MTUS2: variants seen among roughly 807,000 people sequenced by gnomAD.
MTUS2 encodes microtubule associated scaffold protein 2.
Under a neutral mutation model 114.1 loss-of-function variants are expected in MTUS2, and 40 were observed. The observed-to-expected ratio is 0.35, with a 90% CI of 0.27 to 0.46. The LOEUF is 0.46. Ranked by LOEUF, MTUS2 falls within the 20% of genes least tolerant of loss-of-function variation. MTUS2 has a pLI of 1.00. For synonymous variants in MTUS2, 688 were observed against 672.0 expected (o/e 1.02, Z -0.37); for missense variants, 1,679 against 1,705.4 (o/e 0.98, Z 0.27).
chr13:29,373,397 G>T (rs1475806153), intron 8 of MTUS2, among the ~76,000 whole-genome samples: 3 of 152,194 alleles, frequency 2.0e-5, no homozygotes, highest in Non-Finnish European at 2.9e-5. Context: ...TAAAGGCCCA[G>T]CTTTTTGGCT....
chr13:29,039,102 G>C (rs1381155848), intron 4 of MTUS2, among the ~76,000 whole-genome samples: 1 of 152,238 alleles, frequency 6.6e-6, no homozygotes, highest in Admixed American at 6.5e-5. Context: ...GGCCAGGTGC[G>C]GACCCAGTGC....
In MTUS2 at chr13:29,375,602, TATATAC is replaced by T. The variant is rs1566163643; in HGVS notation, c.3117+16130_3117+16135del. Among the ~76,000 whole-genome samples, 2 of 4,390 alleles carry T rather than the reference TATATAC, an allele frequency of 4.6e-4. 1 individual carries two copies. Among genetic ancestry groups the T allele is most frequent in the African/African-American group, 9.7e-4 (2 of 2,054 alleles). 2.9% of individuals were successfully genotyped at this position (4,390 alleles called of 152,430 possible). ...ATATATATATACGTATATATATATATATATACGTATATATATATATATATATATATA... is the reference window on the plus strand; with the variant it reads ...ATATATATATACGTATATATATATATGTATATATATATATATATATATATA... On this transcript the variant is annotated intron_variant, in intron 8 of 15. Transcript: ENST00000612955.
intron 2 of MTUS2, among the ~76,000 whole-genome samples, chr13:28,922,136 C>T (rs680740): frequency 0.87 from 132,802 of 152,172 alleles, 58,189 homozygotes; most frequent in East Asian, 0.91. Context: ...TGTGTAGCAC[C>T]TCCCCTTTGC....
intron 2 of MTUS2, among the ~76,000 whole-genome samples, chr13:28,928,905 G>A (rs7996655): frequency 0.013 from 1,911 of 152,274 alleles, 37 homozygotes; most frequent in African/African-American, 0.042. Flanking sequence ...ACAGATATGT[G>A]TGCGTATGTG....
intron 2 of MTUS2, among the ~76,000 whole-genome samples, chr13:28,864,059 A>T (rs1877150310): frequency 6.6e-6 from 1 of 152,132 alleles, no homozygotes. Flanking sequence ...CTTTTCTGGG[A>T]TTCAGAAGCT....
At chr13:29,180,248 A>G (rs573459567) in intron 5 of MTUS2, among the ~76,000 whole-genome samples, 11 of 152,304 alleles carry the variant, frequency 7.2e-5, no homozygotes, top group Admixed American at 3.3e-4. Flanking sequence ...CAGAACTACA[A>G]TCTTCCATGA....
intron 1 of MTUS2, among the ~76,000 whole-genome samples, chr13:28,826,670 A>G (rs553036104): frequency 2.6e-5 from 4 of 152,372 alleles, no homozygotes; most frequent in Non-Finnish European, 5.9e-5. Context: ...AACATAATGC[A>G]TTAGCGTCTA....
rs57654117 is a variant in MTUS2, at chr13:29,088,058, CAAAAA to C, written c.2447-12695_2447-12691del. The stretch of plus-strand genomic sequence containing the variant: ...TGGGTGACAGAGCAAGACTCCGTCT[CAAAAA>C]AAAAAAAAAAAAAAAAAAAGAATTT... On this transcript the variant is annotated intron_variant, in intron 4 of 15. Coordinates refer to ENST00000612955, the MANE Select transcript of MTUS2 (RefSeq NM_001033602.4). Among the ~76,000 whole-genome samples the C allele has an allele frequency of 4.0e-3, 537 of 135,512 alleles. 1 individual carries two copies. Among genetic ancestry groups the C allele is most frequent in the African/African-American group, 8.3e-3 (283 of 33,896 alleles). The allele number at this position is 135,512 out of a possible 152,430, so 88.9% of individuals were successfully genotyped here. A position where few individuals can be genotyped will look rare whatever the true frequency, so the allele number is the denominator to read the frequency against.
In MTUS2 at chr13:29,026,000, C is replaced by T. The variant is rs553317251; in HGVS notation, c.1302C>T (p.Asp434=). 6.2e-6 allele frequency: 10 copies of T among 1,613,990 alleles called. No homozygotes were observed. The East Asian group carries it at 1.6e-4, about 25-fold the overall frequency. Residue 434 remains aspartate (D), a synonymous_variant, in exon 3 of 16, where the codon GAC becomes GAT. Transcript: ENST00000612955. ...ERTSSSFSPG[D]SHVAFIPNNL... is the part of the protein sequence containing the mutation. ...CATCCAGCAGCTTTTCACCAGGTGA[C>T]AGTCATGTGGCTTTTATTCCTAATA...
At chr13:29,378,185 A>G (rs1245744478) in intron 8 of MTUS2, among the ~76,000 whole-genome samples, 1 of 152,178 alleles carries the variant, frequency 6.6e-6, no homozygotes, top group Non-Finnish European at 1.5e-5. Context: ...GGTGTTATTT[A>G]TATGCATCTG....
chr13:29,286,648 ATCTGTCTG>A lies in MTUS2; in HGVS notation c.2806+4803_2806+4810del, dbSNP rs908168290. Among the ~76,000 whole-genome samples, 10 of 146,072 alleles carry A rather than the reference ATCTGTCTG, an allele frequency of 6.8e-5. No individual in the cohort carries two copies. In the East Asian group the frequency reaches 8.0e-4, roughly 12 times the overall value. ...GATTTCTGAAAGCCATGCACTATCT[ATCTGTCTG>A]TCTGTCTGTCTGTCTGTCTATCTAT... is the stretch of plus-strand genomic sequence containing the variant. On this transcript the variant is annotated intron_variant, in intron 6 of 15. Transcript: ENST00000612955.
Position 29,503,448 on chromosome 13 carries a change from C to A in MTUS2, c.*242C>A. On this transcript the variant is annotated 3_prime_UTR_variant, in exon 16 of 16. Transcript: ENST00000612955. ...CATAGTTAGAGCCAAAAGAAAGACA[C>A]TTGCAATTGTTCTTGAGCAATGAAC... 3.4e-6 allele frequency: 2 copies of A among 585,688 alleles called. No individual in the cohort carries two copies. The allele number at this position is 585,688 out of a possible 1,614,324, so 36.3% of individuals were successfully genotyped here.
intron 8 of MTUS2, among the ~76,000 whole-genome samples, chr13:29,375,551 AT>A (rs370921228): frequency 0.012 from 61 of 5,204 alleles, 3 homozygotes; most frequent in Middle Eastern, 0.1. Flanking sequence ...GTATATATAT[AT>A]ATATACGTAT....
intron 5 of MTUS2, among the ~76,000 whole-genome samples, chr13:29,136,256 T>C (rs1429232041): frequency 6.6e-6 from 1 of 152,228 alleles, no homozygotes; most frequent in Non-Finnish European, 1.5e-5. Context: ...CTCCTCACTT[T>C]TAAAGGACAG....
At chr13:29,201,658 T>C (rs771657270) in intron 5 of MTUS2, among the ~76,000 whole-genome samples, 50 of 152,226 alleles carry the variant, frequency 3.3e-4, no homozygotes, top group Non-Finnish European at 6.5e-4. Flanking sequence ...TTCCTTTCCA[T>C]GTTTAATGCT....
intron 2 of MTUS2, among the ~76,000 whole-genome samples, chr13:28,905,957 G>T (rs1466119426): frequency 4.0e-5 from 6 of 151,356 alleles, no homozygotes; most frequent in Non-Finnish European, 5.9e-5. Context: ...ATTCAGAGAT[G>T]CAACTTCTTC....
chr13:29,112,029 A>C (rs911514921), intron 5 of MTUS2, among the ~76,000 whole-genome samples: 10 of 152,194 alleles, frequency 6.6e-5, no homozygotes, highest in African/African-American at 2.2e-4. Flanking sequence ...CATCCATCCT[A>C]TAACTACATC....
At chr13:29,440,423 A>G (rs1190234189) in intron 9 of MTUS2, among the ~76,000 whole-genome samples, 2 of 152,308 alleles carry the variant, frequency 1.3e-5, no homozygotes, top group East Asian at 3.9e-4. Context: ...CCTGTCGTGA[A>G]ATACTCTGTG....
In MTUS2 at chr13:29,359,344, G is replaced by A. The variant is rs757349165; in HGVS notation, c.2988G>A (p.Gln996=). The A allele has an allele frequency of 5.6e-6, 9 of 1,611,764 alleles. No individual in the cohort carries two copies. The highest frequency in any genetic ancestry group is 6.8e-6 in the Non-Finnish European group (8 of 1,179,238). ...CGCAGGCCCGTGAGGCTGAGCGGCA[G>A]CTGGTGCTGCGGCTGAAGGAGCGGT... ...PDPQAREAER[Q]LVLRLKERCE... Residue 996 remains glutamine (Q), a synonymous_variant, in exon 8 of 16, where the codon CAG becomes CAA. Coordinates refer to ENST00000612955, the MANE Select transcript of MTUS2 (RefSeq NM_001033602.4).
Sources: allele counts gnomAD v4.1 joint callset (sites outside exome capture counted in the v4.1 genomes callset), GRCh38; gene constraint gnomAD v4.1.1; transcripts MANE v1.5; gene names NCBI Gene and HGNC (gene_info 2026-07-23, HGNC 2026-07-21).